Variants in FA2H observed in about 807,000 individuals in gnomAD.
The protein encoded by FA2H is fatty acid alpha-hydroxylase.
Under a neutral mutation model 44.9 loss-of-function variants are expected in FA2H, and 22 were observed. The observed-to-expected ratio is 0.49, with a 90% CI of 0.35 to 0.70. The LOEUF (loss-of-function observed/expected upper bound fraction) is 0.70. FA2H is among the 30% of genes least tolerant of loss of function. FA2H has a pLI of 0.01. For missense variants in FA2H, 501 were observed against 504.9 expected (o/e 0.99, Z 0.07); for synonymous variants, 243 against 213.2 (o/e 1.14, Z -1.22).
rs1452555507 is a variant in FA2H, at chr16:74,729,956, T to A, written c.364-2570A>T. On this transcript the variant is annotated intron_variant, in intron 2 of 6. Transcript: ENST00000219368. ...GAGAGGAGGGGAGAGGAGCAAGGGCTGCACGTGGAAGAGCTTGCAAGCCTG... is the reference window on the plus strand; with the variant it reads ...GAGAGGAGGGGAGAGGAGCAAGGGCAGCACGTGGAAGAGCTTGCAAGCCTG... Among the ~76,000 whole-genome samples the A allele has an allele frequency of 1.3e-5, 2 of 152,072 alleles. 1 individual carries two copies. The highest frequency in any genetic ancestry group is 3.9e-4 in the East Asian group (2 of 5,192).
intron 3 of FA2H, 33 bp from the exon 4 acceptor site, chr16:74,726,364 A>C: frequency 7.5e-7 from 1 of 1,338,712 alleles, no homozygotes; most frequent in Non-Finnish European, 1.1e-6. Flanking sequence ...AGAGAGATAC[A>C]TGCACAGGAG....
intron 4 of FA2H, among the ~76,000 whole-genome samples, chr16:74,720,868 G>A (rs1206250789): frequency 6.6e-6 from 1 of 152,122 alleles, no homozygotes; most frequent in Non-Finnish European, 1.5e-5. Context: ...TTCTCTTACC[G>A]AATATGTTCA....
intron 3 of FA2H, 102 bp downstream of exon 3, chr16:74,727,142 C>G (rs1381025894): frequency 3.4e-6 from 5 of 1,479,010 alleles, no homozygotes. Context: ...CAGCATAGAC[C>G]TGGGCTCTGG....
chr16:74,714,183 G>A lies in FA2H; in HGVS notation c.*7C>T. ...GGCTGAGGGCAGGACGGAGGGGGTG[G>A]GAGTTGTCACTGCGTCTTCAGGTGG... On this transcript the variant is annotated 3_prime_UTR_variant, in exon 7 of 7. Coordinates refer to ENST00000219368, the MANE Select transcript of FA2H (RefSeq NM_024306.5). 6.5e-7 allele frequency: 1 copy of A among 1,547,822 alleles called. No individual in the cohort carries two copies. The highest frequency in any genetic ancestry group is 8.8e-7 in the Non-Finnish European group (1 of 1,141,700).
intron 1 of FA2H, among the ~76,000 whole-genome samples, chr16:74,747,506 C>G (rs945782091): frequency 2.0e-5 from 3 of 152,092 alleles, no homozygotes; most frequent in Non-Finnish European, 4.4e-5. Context: ...GAAGTTCTAA[C>G]CCCCAGTGTC....
chr16:74,748,300 A>T (rs1597562471), intron 1 of FA2H, among the ~76,000 whole-genome samples: 1 of 150,978 alleles, frequency 6.6e-6, no homozygotes, highest in Admixed American at 6.6e-5. Context: ...CACTTCCCCC[A>T]CCCCCCACGT....
At chr16:74,724,263 A>C (rs1961900811) in intron 4 of FA2H, among the ~76,000 whole-genome samples, 1 of 152,140 alleles carries the variant, frequency 6.6e-6, no homozygotes, top group Admixed American at 6.5e-5. Flanking sequence ...GCGCAGACTA[A>C]GGTCCTGGCC....
intron 1 of FA2H, among the ~76,000 whole-genome samples, chr16:74,740,745 A>C (rs1021258480): frequency 6.6e-5 from 10 of 152,074 alleles, no homozygotes; most frequent in Non-Finnish European, 1.5e-4. Flanking sequence ...CAGGGAAAGA[A>C]GCTTGCTTAG....
Position 74,713,439 on chromosome 16 carries a change from C to G in FA2H, c.*751G>C, listed in dbSNP as rs2144597835. 6.6e-6 allele frequency: 1 copy of G among 151,846 alleles called. No homozygotes were observed. The highest frequency in any genetic ancestry group is 1.5e-5 in the Non-Finnish European group (1 of 67,962). 9.4% of individuals were successfully genotyped at this position (151,846 alleles called of 1,614,324 possible). On this transcript the variant is annotated 3_prime_UTR_variant, in exon 7 of 7. Coordinates refer to ENST00000219368, the MANE Select transcript of FA2H (RefSeq NM_024306.5). ...GTAGGGGCCTGAGCGGGGTGGAGGC[C>G]AAGAATGGCCAGGGACGGGGTGGGG... is the stretch of plus-strand genomic sequence containing the variant.
chr16:74,743,011 T>G (rs1391099955), intron 1 of FA2H, among the ~76,000 whole-genome samples: 1 of 152,152 alleles, frequency 6.6e-6, no homozygotes, highest in Non-Finnish European at 1.5e-5. Flanking sequence ...ATTTTATTAT[T>G]TTTTAATTAT....
In FA2H at chr16:74,723,227, C is replaced by T. The variant is rs74464512; in HGVS notation, c.613+2998G>A. On this transcript the variant is annotated intron_variant, in intron 4 of 6. Coordinates refer to ENST00000219368, the MANE Select transcript of FA2H (RefSeq NM_024306.5). ...CAGTTTCTCAAATTCTCAAAGGATC[C>T]GGGAGCAATAAGGTTGGAATCCATA... Among the ~76,000 whole-genome samples, 1,379 of 152,286 alleles carry T rather than the reference C, an allele frequency of 9.1e-3. 16 individuals carry two copies. Among genetic ancestry groups the T allele is most frequent in the African/African-American group, 0.031 (1,281 of 41,560 alleles).
chr16:74,772,230 A>G (rs1962923641), intron 1 of FA2H, among the ~76,000 whole-genome samples: 2 of 152,140 alleles, frequency 1.3e-5, no homozygotes, highest in African/African-American at 4.8e-5. Flanking sequence ...TTCCTGCCAG[A>G]GCCTTCACAC....
intron 6 of FA2H, among the ~76,000 whole-genome samples, chr16:74,715,812 C>CTTTTTTTTTTTTTTTTTTTTTTT: frequency 6.7e-6 from 1 of 149,196 alleles, no homozygotes; most frequent in African/African-American, 2.5e-5. Flanking sequence ...TCTTCTTCTT[C>CTTTTTTTTTTTTTTTTTTTTTTT]TTCTTTTTTT....
In FA2H at chr16:74,718,967, C is replaced by A. The variant is rs200203230; in HGVS notation, c.786+21G>T. On this transcript the variant is annotated intron_variant, in intron 5 of 6. Coordinates refer to ENST00000219368, the MANE Select transcript of FA2H (RefSeq NM_024306.5). ...TCGGGCTGCACATGCTAGGTCCGGG[C>A]TGGGACCCCGCCCCGCTCACCTTGT... The A allele has an allele frequency of 9.2e-4, 1,487 of 1,612,534 alleles. 3 individuals carry two copies. The Middle Eastern group carries it at 9.4e-3, about 10-fold the overall frequency.
chr16:74,769,616 A>G (rs555257967), intron 1 of FA2H, among the ~76,000 whole-genome samples: 2 of 152,330 alleles, frequency 1.3e-5, no homozygotes, highest in East Asian at 3.9e-4. Flanking sequence ...TGGGGTGGTG[A>G]TTCATGGATG....
At chr16:74,763,628 A>C (rs933627624) in intron 1 of FA2H, among the ~76,000 whole-genome samples, 1 of 152,252 alleles carries the variant, frequency 6.6e-6, no homozygotes, top group African/African-American at 2.4e-5. Flanking sequence ...CTCATTAGGT[A>C]ATCTGAACAT....
At chr16:74,725,914 C>T (rs1354237857) in intron 4 of FA2H, 3 of 391,556 alleles carry the variant, frequency 7.7e-6, no homozygotes, top group Non-Finnish European at 1.5e-5. Flanking sequence ...AATCCCACAT[C>T]ATGTGTCTTT....
intron 5 of FA2H, among the ~76,000 whole-genome samples, chr16:74,718,666 T>C (rs1052065199): frequency 2.0e-5 from 3 of 152,214 alleles, no homozygotes; most frequent in African/African-American, 4.8e-5. Flanking sequence ...TCTAGAACAG[T>C]GTCTCGCACA....
chr16:74,759,984 G>C (rs1962677464), intron 1 of FA2H, among the ~76,000 whole-genome samples: 2 of 152,170 alleles, frequency 1.3e-5, no homozygotes, highest in African/African-American at 4.8e-5. Context: ...AGGCATGCAA[G>C]GACAAAGGGA....
Sources: allele counts gnomAD v4.1 joint callset (sites outside exome capture counted in the v4.1 genomes callset), GRCh38; gene constraint gnomAD v4.1.1; transcripts MANE v1.5; gene names NCBI Gene and HGNC (gene_info 2026-07-23, HGNC 2026-07-21).